SUMF1: variants seen among roughly 807,000 people sequenced by gnomAD.
SUMF1 encodes the protein sulfatase modifying factor 1.
Under a neutral mutation model 47.6 loss-of-function variants are expected in SUMF1, and 48 were observed. That is an observed-to-expected ratio of 1.01 (90% CI 0.80 to 1.28). SUMF1 has a LOEUF of 1.28. SUMF1 is among the 50% of genes most tolerant of loss of function. SUMF1 has a pLI of 0.00. For missense variants in SUMF1, 571 were observed against 485.4 expected, an observed-to-expected ratio of 1.18 and a Z score of -1.66; for synonymous variants, 230 against 192.1, an observed-to-expected ratio of 1.20 and a Z score of -1.63.
intron 8 of SUMF1, among the ~76,000 whole-genome samples, chr3:4,273,323 A>G (rs1331361875): frequency 6.6e-6 from 1 of 152,138 alleles, no homozygotes; most frequent in Non-Finnish European, 1.5e-5. Flanking sequence ...TGCCTATAGA[A>G]TGAAATAGTA....
At chr3:4,263,871 G>A (rs911310763) in intron 8 of SUMF1, among the ~76,000 whole-genome samples, 2 of 152,128 alleles carry the variant, frequency 1.3e-5, no homozygotes, top group Non-Finnish European at 2.9e-5. Context: ...CCTGACGATT[G>A]CAATTGAGTT....
intron 8 of SUMF1, among the ~76,000 whole-genome samples, chr3:4,213,707 T>G (rs1695851435): frequency 6.6e-6 from 1 of 151,916 alleles, no homozygotes; most frequent in Non-Finnish European, 1.5e-5. Context: ...AATAAAGGGA[T>G]GGAGGAATAT....
chr3:4,458,495 A>G (rs559832080), intron 1 of SUMF1, among the ~76,000 whole-genome samples: 5 of 152,344 alleles, frequency 3.3e-5, no homozygotes, highest in Admixed American at 2.6e-4. Flanking sequence ...CCCTTATCAT[A>G]TAAATGGATA....
At chr3:4,261,993 G>C (rs181581458) in intron 8 of SUMF1, among the ~76,000 whole-genome samples, 1 of 152,276 alleles carries the variant, frequency 6.6e-6, no homozygotes, top group East Asian at 1.9e-4. Context: ...TAAAGGGAAG[G>C]AAACCAAACG....
At chr3:4,160,014 T>C (rs1019670010) in intron 8 of SUMF1, among the ~76,000 whole-genome samples, 7 of 152,142 alleles carry the variant, frequency 4.6e-5, no homozygotes, top group Non-Finnish European at 8.8e-5. Context: ...GGGAGTTTGA[T>C]TATTAAATGC....
chr3:4,300,528 G>A (rs1383516629), intron 8 of SUMF1, among the ~76,000 whole-genome samples: 2 of 151,936 alleles, frequency 1.3e-5, no homozygotes, highest in Non-Finnish European at 2.9e-5. Flanking sequence ...CATTTATAAG[G>A]CTGATCTTTA....
chr3:4,268,502 T>C (rs988691912), intron 8 of SUMF1, among the ~76,000 whole-genome samples: 1 of 146,718 alleles, frequency 6.8e-6, no homozygotes, highest in Admixed American at 6.7e-5. Context: ...TGTTTTTCTT[T>C]TTTTTTTTTT....
intron 8 of SUMF1, among the ~76,000 whole-genome samples, chr3:4,375,112 G>A (rs1056156571): frequency 2.8e-5 from 4 of 143,970 alleles, no homozygotes; most frequent in Non-Finnish European, 6.0e-5. Context: ...CCTCAGTCTG[G>A]GTGAAGAGTG....
chr3:4,294,935 G>T (rs1344027541), intron 8 of SUMF1, among the ~76,000 whole-genome samples: 1 of 152,156 alleles, frequency 6.6e-6, no homozygotes. Context: ...CCTACGTAGA[G>T]ATCCGTCTGC....
intron 7 of SUMF1, among the ~76,000 whole-genome samples, chr3:4,400,884 A>T (rs1480688434): frequency 1.3e-5 from 2 of 152,098 alleles, no homozygotes; most frequent in African/African-American, 2.4e-5. Context: ...TTACATATGT[A>T]TACATGTGCC....
chr3:4,364,211 T>C (rs1055093474), intron 8 of SUMF1, among the ~76,000 whole-genome samples: 2 of 131,560 alleles, frequency 1.5e-5, no homozygotes, highest in Admixed American at 8.3e-5. Context: ...TCTGCCCGGC[T>C]TTGGTATCAG....
At chr3:4,372,158 G>A (rs371584074) in intron 8 of SUMF1, among the ~76,000 whole-genome samples, 41 of 152,210 alleles carry the variant, frequency 2.7e-4, no homozygotes, top group African/African-American at 9.1e-4. Flanking sequence ...AAAATTAGCT[G>A]GGCGTGGTGG....
At chr3:4,052,247 G>T (rs1293422303) in intron 9 of SUMF1, among the ~76,000 whole-genome samples, 1 of 152,112 alleles carries the variant, frequency 6.6e-6, no homozygotes, top group Non-Finnish European at 1.5e-5. Context: ...TTTTACAAGA[G>T]CACTAATCCC....
intron 3 of SUMF1, among the ~76,000 whole-genome samples, chr3:4,420,594 C>T (rs1225730234): frequency 6.6e-6 from 1 of 152,034 alleles, no homozygotes; most frequent in South Asian, 2.1e-4. Context: ...GACAGGGTTT[C>T]ACTCTGTTAG....
intron 9 of SUMF1, among the ~76,000 whole-genome samples, chr3:4,035,991 G>A (rs534732464): frequency 2.4e-4 from 37 of 152,212 alleles, no homozygotes; most frequent in African/African-American, 8.9e-4. Flanking sequence ...TGAGGAAAAT[G>A]ACTTTGTCTG....
intron 3 of SUMF1, among the ~76,000 whole-genome samples, chr3:4,422,584 C>T (rs1036367780): frequency 6.6e-6 from 1 of 151,050 alleles, no homozygotes; most frequent in African/African-American, 2.4e-5. Flanking sequence ...AATAGTACTG[C>T]TTCTATCAAT....
chr3:4,443,884 A>C (rs35458769), intron 3 of SUMF1, among the ~76,000 whole-genome samples: 42,880 of 152,074 alleles, frequency 0.28, 6,730 homozygotes, highest in Middle Eastern at 0.4. Flanking sequence ...AGAATAAAAC[A>C]AAAGGACACA....
intron 8 of SUMF1, among the ~76,000 whole-genome samples, chr3:4,251,014 A>G (rs909118525): frequency 6.6e-6 from 1 of 152,196 alleles, no homozygotes; most frequent in Admixed American, 6.5e-5. Flanking sequence ...TAAGAAATAA[A>G]TTTCATAAGG....
intron 8 of SUMF1, among the ~76,000 whole-genome samples, chr3:4,331,437 C>T (rs1699050116): frequency 6.6e-6 from 1 of 151,878 alleles, no homozygotes; most frequent in Admixed American, 6.6e-5. Context: ...AGTGAAAAAC[C>T]TTGGAGGTAA....
Sources: allele counts gnomAD v4.1 joint callset (sites outside exome capture counted in the v4.1 genomes callset), GRCh38; gene constraint gnomAD v4.1.1; transcripts MANE v1.5; gene names NCBI Gene and HGNC (gene_info 2026-07-23, HGNC 2026-07-21).